The following LNPK variants were observed in gnomAD, a reference collection of about 807,000 sequenced individuals.
The protein encoded by LNPK is lunapark, ER junction formation factor.
Under a neutral mutation model 55.2 loss-of-function variants are expected in LNPK, and 29 were observed. That is an observed-to-expected ratio of 0.53 (90% CI 0.39 to 0.72). The LOEUF (loss-of-function observed/expected upper bound fraction) is 0.72, where lower values mean the gene tolerates loss of function less well. Among genes scored for constraint, LNPK ranks in the 30% least tolerant of loss-of-function variants. The pLI, the probability that LNPK is intolerant of heterozygous loss-of-function variation, is 0.00. For synonymous variants in LNPK, 162 were observed against 168.2 expected (o/e 0.96, Z 0.29); for missense variants, 467 against 494.8 (o/e 0.94, Z 0.53).
intron 5 of LNPK, among the ~76,000 whole-genome samples, chr2:175,971,135 T>C (rs537753597): frequency 7.2e-5 from 11 of 152,260 alleles, no homozygotes; most frequent in African/African-American, 2.4e-4. Flanking sequence ...CTCACCCACA[T>C]TAATTTACAA....
Position 175,937,356 on chromosome 2 carries a change from G to A in LNPK, c.1042C>T (p.Gln348Ter). Residue 348 changes from glutamine (Q) to a stop codon, truncating the protein, a stop_gained, in exon 12 of 13, where the codon CAG (glutamine) becomes TAG (stop). Transcript: ENST00000272748. LOFTEE classifies it high-confidence loss of function. ...AACATATTCATACCTTCATTAAACT[G>A]GTTGTCTGATGAAAGCACACTTCCT... ...PSGSVLSSDN[Q>*]FNEESLEHDV... is the part of the protein sequence containing the mutation. The A allele has an allele frequency of 1.2e-6, 2 of 1,613,120 alleles. No homozygotes were observed. The highest frequency in any genetic ancestry group is 1.7e-6 in the Non-Finnish European group (2 of 1,179,508).
In LNPK at chr2:175,927,230, G is replaced by C. The variant is rs1357692447; in HGVS notation, c.*2737C>G. ...TGCCAAGCAGTGAAACAAGAACTGAGAGTTTTCACTGGATTTGGCAACAAA... is the reference window on the plus strand; with the variant it reads ...TGCCAAGCAGTGAAACAAGAACTGACAGTTTTCACTGGATTTGGCAACAAA... On this transcript the variant is annotated 3_prime_UTR_variant, in exon 13 of 13. Transcript: ENST00000272748. 6.6e-6 allele frequency: 1 copy of C among 152,220 alleles called. No individual in the cohort carries two copies. The highest frequency in any genetic ancestry group is 1.5e-5 in the Non-Finnish European group (1 of 68,042). 9.4% of individuals were successfully genotyped at this position (152,220 alleles called of 1,614,324 possible). A position where few individuals can be genotyped will look rare whatever the true frequency, so the allele number is the denominator to read the frequency against.
intron 4 of LNPK, among the ~76,000 whole-genome samples, chr2:175,991,266 A>T (rs571490715): frequency 6.6e-6 from 1 of 152,196 alleles, no homozygotes; most frequent in Admixed American, 6.5e-5. Context: ...ATGAAAAAAG[A>T]TAAGGGAAAC....
At chr2:175,942,402 A>G (rs781148094) in intron 9 of LNPK, among the ~76,000 whole-genome samples, 14 of 152,188 alleles carry the variant, frequency 9.2e-5, no homozygotes, top group Admixed American at 6.5e-4. Flanking sequence ...TTTCAAGTAA[A>G]TATAAAACAT....
At chr2:175,944,077 A>G (rs185685313) in intron 9 of LNPK, among the ~76,000 whole-genome samples, 2 of 152,292 alleles carry the variant, frequency 1.3e-5, no homozygotes, top group Admixed American at 1.3e-4. Context: ...TTAGTTTATC[A>G]AGGTTATAGG....
At position 175,929,136 on chromosome 2, in the gene LNPK, T is replaced by C. The variant is rs992051186; in HGVS notation, c.*831A>G. The C allele has an allele frequency of 2.0e-6, 2 of 983,924 alleles. No homozygotes were observed. The highest frequency in any genetic ancestry group is 2.4e-6 in the Non-Finnish European group (2 of 828,110). 60.9% of individuals were successfully genotyped at this position (983,924 alleles called of 1,614,324 possible). Reference sequence around the variant, plus strand: ...AAATGAAACTGATGCCAGATTATTTTCATTTTCCTTAATAAAATACAAACA... The same window carrying C: ...AAATGAAACTGATGCCAGATTATTTCCATTTTCCTTAATAAAATACAAACA... On this transcript the variant is annotated 3_prime_UTR_variant, in exon 13 of 13. Transcript: ENST00000272748.
At chr2:175,939,226 A>C (rs1376099077) in intron 10 of LNPK, among the ~76,000 whole-genome samples, 2 of 152,188 alleles carry the variant, frequency 1.3e-5, no homozygotes, top group Non-Finnish European at 2.9e-5. Context: ...TCCAGTACTG[A>C]TACCTATAAA....
intron 8 of LNPK, among the ~76,000 whole-genome samples, chr2:175,963,284 A>G (rs1021597838): frequency 3.3e-5 from 5 of 152,250 alleles, no homozygotes; most frequent in Non-Finnish European, 7.3e-5. Context: ...TATTCACAAT[A>G]GCAAAGACTT....
chr2:175,976,894 C>A (rs948819245), intron 5 of LNPK, among the ~76,000 whole-genome samples: 1 of 152,136 alleles, frequency 6.6e-6, no homozygotes, highest in Non-Finnish European at 1.5e-5. Flanking sequence ...ATTGCATGAG[C>A]CAATTCCTTA....
At chr2:175,943,281 C>T (rs1410979469) in intron 9 of LNPK, among the ~76,000 whole-genome samples, 2 of 148,300 alleles carry the variant, frequency 1.3e-5, no homozygotes, top group East Asian at 2.0e-4. Context: ...GATGCTTCAA[C>T]TGGTCATATC....
rs760033833 is a variant in LNPK at position 175,929,244 on chromosome 2, T to C, written c.*723A>G. On this transcript the variant is annotated 3_prime_UTR_variant, in exon 13 of 13. Transcript: ENST00000272748. ...TCAAATAGGGTCAAGTGCAGAAATA[T>C]TTCCTATATGCTAGTGTGTAAATAT... 4.5e-5 allele frequency: 43 copies of C among 961,004 alleles called. No homozygotes were observed. The highest frequency in any genetic ancestry group is 7.1e-5 in the African/African-American group (4 of 56,672). The allele number at this position is 961,004 out of a possible 1,614,324, so 59.5% of individuals were successfully genotyped here. A position where few individuals can be genotyped will look rare whatever the true frequency, so the allele number is the denominator to read the frequency against.
chr2:175,998,559 G>C (rs1294285841), intron 1 of LNPK, among the ~76,000 whole-genome samples: 1 of 151,872 alleles, frequency 6.6e-6, no homozygotes, highest in Non-Finnish European at 1.5e-5. Flanking sequence ...CACAAAATCA[G>C]AAATAAAGTC....
upstream of LNPK, chr2:176,002,364 A>G: frequency 2.7e-6 from 1 of 374,314 alleles, no homozygotes. Context: ...ACGTGACCGT[A>G]CCCTGGGCGG....
chr2:175,961,966 G>A (rs1686054234), intron 8 of LNPK, among the ~76,000 whole-genome samples: 1 of 152,192 alleles, frequency 6.6e-6, no homozygotes, highest in Non-Finnish European at 1.5e-5. Context: ...GCTTCAAAGA[G>A]AATAAAATAC....
At position 175,924,219 on chromosome 2, in the gene LNPK, A is replaced by C. The variant is rs924087815; in HGVS notation, c.*5748T>G. ...TGAAGTTATACCAGATAGTAACTTAATACAGTATATTCTCCCAATTTTCTA... is the reference window on the plus strand; with the variant it reads ...TGAAGTTATACCAGATAGTAACTTACTACAGTATATTCTCCCAATTTTCTA... On this transcript the variant is annotated 3_prime_UTR_variant, in exon 13 of 13. Transcript: ENST00000272748. The C allele has an allele frequency of 2.0e-5, 3 of 152,216 alleles. No homozygotes were observed. Among genetic ancestry groups the C allele is most frequent in the Admixed American group, 6.5e-5 (1 of 15,270 alleles). The allele number at this position is 152,216 out of a possible 1,614,324, so 9.4% of individuals were successfully genotyped here.
At position 175,947,641 on chromosome 2, in the gene LNPK, C is replaced by T. The variant is rs772257632; in HGVS notation, c.545G>A (p.Ser182Asn). 1.2e-6 allele frequency: 2 copies of T among 1,613,742 alleles called. No homozygotes were observed. The highest frequency in any genetic ancestry group is 2.2e-5 in the South Asian group (2 of 91,042). ...TTGTGGAGGAGGGCCCTGGTTAGGGCTTGCTGGTGTTGGAGAAAGGTTTCT... is the reference window on the plus strand; with the variant it reads ...TTGTGGAGGAGGGCCCTGGTTAGGGTTTGCTGGTGTTGGAGAAAGGTTTCT... The part of the protein sequence containing the change: ...AQRNLSPTPA[S>N]PNQGPPPQVP... The change falls in exon 9 of 13, where the codon AGC becomes AAC. Residue 182 changes from serine (S) to asparagine (N), a missense_variant. Coordinates refer to ENST00000272748, the MANE Select transcript of LNPK (RefSeq NM_030650.3).
rs369662018 is a variant in LNPK, at chr2:176,002,242, G to A, written c.-145C>T. 4.4e-6 allele frequency: 2 copies of A among 451,130 alleles called. No homozygotes were observed. The highest frequency in any genetic ancestry group is 4.4e-6 in the Non-Finnish European group (1 of 225,522). The allele number at this position is 451,130 out of a possible 1,614,324, so 27.9% of individuals were successfully genotyped here. A position where few individuals can be genotyped will look rare whatever the true frequency, so the allele number is the denominator to read the frequency against. ...ACCGCCCAGCCTGCCTCCAGAGCAG[G>A]CAGCAGCCGCCACTGACAGAGAGAC... On this transcript the variant is annotated 5_prime_UTR_variant, in exon 1 of 13. Coordinates refer to ENST00000272748, the MANE Select transcript of LNPK (RefSeq NM_030650.3).
At chr2:175,971,671 A>C (rs1191486721) in intron 5 of LNPK, among the ~76,000 whole-genome samples, 1 of 152,230 alleles carries the variant, frequency 6.6e-6, no homozygotes, top group Non-Finnish European at 1.5e-5. Flanking sequence ...TCAAGGAAAC[A>C]CAAACATATA....
chr2:175,929,301 C>T lies in LNPK; in HGVS notation c.*666G>A, dbSNP rs1342300099. 1.0e-6 allele frequency: 1 copy of T among 982,712 alleles called. No homozygotes were observed. The highest frequency in any genetic ancestry group is 1.2e-6 in the Non-Finnish European group (1 of 827,392). The allele number at this position is 982,712 out of a possible 1,614,324, so 60.9% of individuals were successfully genotyped here. On this transcript the variant is annotated 3_prime_UTR_variant, in exon 13 of 13. Transcript: ENST00000272748. ...ATTATATACATAATGTGCCTTTGGC[C>T]CAGTTGTAAAATAAAAGACATCAAA... is the stretch of plus-strand genomic sequence containing the variant.
Sources: gnomAD v4.1 joint callset for allele counts (sites outside exome capture counted in the v4.1 genomes callset) on GRCh38, gnomAD v4.1.1 for gene constraint, MANE v1.5 for transcripts, NCBI Gene and HGNC (gene_info 2026-07-23, HGNC 2026-07-21) for gene names.